Variants in CCDC73 observed in about 807,000 individuals in gnomAD.
CCDC73 encodes the protein coiled-coil domain-containing protein 73.
A neutral mutation model predicts 116.5 loss-of-function variants in CCDC73; 95 were observed. The ratio of observed to expected loss-of-function variants is 0.82; its 90% CI spans 0.69 to 0.97. CCDC73 has a LOEUF of 0.97. CCDC73 is among the 50% of genes least tolerant of loss of function. The pLI, the probability that CCDC73 is intolerant of heterozygous loss-of-function variation, is 0.00. For synonymous variants in CCDC73, 398 were observed against 401.3 expected (o/e 0.99, Z 0.10); for missense variants, 1,066 against 1,206.8 (o/e 0.88, Z 1.73).
rs564816235 is a variant in CCDC73, at chr11:32,614,473, T to A, written c.1845A>T (p.Leu615=). The change falls in exon 16 of 18, where the codon CTA becomes CTT. Residue 615 remains leucine, a synonymous_variant. Transcript: ENST00000335185. The part of the protein sequence containing the change: ...RLLPGTREHA[L]EKEITNSDQT... The stretch of plus-strand genomic sequence containing the variant: ...GGTCACTATTTGTAATTTCCTTCTC[T>A]AGAGCATGTTCTCGAGTCCCTGGAA... The A allele has an allele frequency of 6.2e-7, 1 of 1,613,394 alleles. No homozygotes were observed. Among genetic ancestry groups the A allele is most frequent in the African/African-American group, 1.3e-5 (1 of 75,038 alleles).
chr11:32,700,675 C>T, intron 5 of CCDC73, 116 bp downstream of exon 5: 2 of 512,908 alleles, frequency 3.9e-6, no homozygotes, highest in South Asian at 3.0e-5. Flanking sequence ...GTTACTAATG[C>T]TCTTTTCTCT....
chr11:32,674,450 CAAATCATGG>C (rs942591981), intron 9 of CCDC73, among the ~76,000 whole-genome samples: 12 of 152,246 alleles, frequency 7.9e-5, no homozygotes, highest in African/African-American at 2.9e-4. Flanking sequence ...TTTTTAGTTG[CAAATCATGG>C]AAAACTGAAT....
chr11:32,820,399 T>C, the CCDC73 span, among the ~76,000 whole-genome samples: 1 of 152,290 alleles, frequency 6.6e-6, no homozygotes, highest in African/African-American at 2.4e-5. Context: ...CAAGCAATCC[T>C]CATGCCTCAG....
At chr11:32,621,901 T>C (rs1855525846) in intron 14 of CCDC73, among the ~76,000 whole-genome samples, 1 of 152,110 alleles carries the variant, frequency 6.6e-6, no homozygotes, top group Admixed American at 6.6e-5. Flanking sequence ...AATGAACATA[T>C]GAAAAAGAGT....
At chr11:32,706,413 A>C (rs1268639419) in intron 3 of CCDC73, among the ~76,000 whole-genome samples, 1 of 152,228 alleles carries the variant, frequency 6.6e-6, no homozygotes, top group Non-Finnish European at 1.5e-5. Context: ...GAACACAAAT[A>C]AAATAAACTA....
At position 32,709,854 on chromosome 11, in the gene CCDC73, T is replaced by A. The variant is rs1243037237; in HGVS notation, c.208-6910A>T. On this transcript the variant is annotated intron_variant, in intron 3 of 17. Coordinates refer to ENST00000335185, the MANE Select transcript of CCDC73 (RefSeq NM_001008391.4). ...GGTCCTAGACATTTTTTGTTGATAA[T>A]TTTTTTATTACCACTTCAACCTCAC... Among the ~76,000 whole-genome samples the A allele has an allele frequency of 2.6e-5, 4 of 152,312 alleles. No homozygotes were observed. The South Asian group carries it at 6.2e-4, about 24-fold the overall frequency.
In CCDC73 at chr11:32,702,895, G is replaced by T; in HGVS notation, c.257C>A (p.Ala86Glu). The T allele has an allele frequency of 1.2e-6, 2 of 1,612,426 alleles. No homozygotes were observed. The highest frequency in any genetic ancestry group is 8.5e-7 in the Non-Finnish European group (1 of 1,178,544). Residue 86 changes from alanine to glutamate, a missense_variant, in exon 4 of 18, where the codon GCA (alanine) becomes GAA (glutamate). Ala to Glu is a moderately radical substitution (Grantham distance 107, BLOSUM62 -1). Transcript: ENST00000335185. ...TACCTGCTTTTTAAAAACTGCCATT[G>T]CTTCCTTGTGTTGCTCTGCCAATGT... ...KETLAEQHKE[A>E]MAVFKKQLQM...
chr11:32,631,605 A>AGGAAGGGAAG (rs1260792209), intron 14 of CCDC73, among the ~76,000 whole-genome samples: 1 of 126,208 alleles, frequency 7.9e-6, no homozygotes, highest in Non-Finnish European at 1.8e-5. Flanking sequence ...AAGGAAGGAA[A>AGGAAGGGAAG]GGAAGGGAAG....
At chr11:32,773,123 C>G (rs1850504704) in intron 1 of CCDC73, among the ~76,000 whole-genome samples, 1 of 152,108 alleles carries the variant, frequency 6.6e-6, no homozygotes, top group South Asian at 2.1e-4. Flanking sequence ...CATGCAACAA[C>G]ATGGATGAAC....
intron 1 of CCDC73, among the ~76,000 whole-genome samples, 176 bp from the exon 2 acceptor site, chr11:32,760,434 G>T (rs1590634277): frequency 6.6e-6 from 1 of 152,128 alleles, no homozygotes; most frequent in Non-Finnish European, 1.5e-5. Context: ...AGCAAAAATG[G>T]TATTATTCTG....
chr11:32,618,949 TTCA>T (rs1334345846), intron 14 of CCDC73, among the ~76,000 whole-genome samples: 1 of 152,232 alleles, frequency 6.6e-6, no homozygotes, highest in Non-Finnish European at 1.5e-5. Context: ...TGAACATTTT[TTCA>T]TGTTTGTTGG....
intron 9 of CCDC73, among the ~76,000 whole-genome samples, chr11:32,658,971 T>C (rs1855898315): frequency 6.6e-6 from 1 of 152,194 alleles, no homozygotes; most frequent in African/African-American, 2.4e-5. Context: ...ACAAAAAGTA[T>C]ATTTAAAATT....
intron 3 of CCDC73, among the ~76,000 whole-genome samples, chr11:32,711,832 T>C (rs898989496): frequency 6.6e-6 from 1 of 152,140 alleles, no homozygotes; most frequent in Admixed American, 6.6e-5. Flanking sequence ...TTTCTACCTA[T>C]TTGTACCTCA....
chr11:32,790,086 G>A (rs927166632), intron 1 of CCDC73, among the ~76,000 whole-genome samples: 1 of 152,180 alleles, frequency 6.6e-6, no homozygotes, highest in Non-Finnish European at 1.5e-5. Flanking sequence ...TAGGGAGATT[G>A]AAGTCTAACA....
chr11:32,693,830 T>G (rs1001685856), intron 6 of CCDC73, among the ~76,000 whole-genome samples: 1 of 152,224 alleles, frequency 6.6e-6, no homozygotes, highest in Admixed American at 6.5e-5. Context: ...ATTATCTCAA[T>G]AGATGCAGAA....
intron 14 of CCDC73, among the ~76,000 whole-genome samples, chr11:32,627,583 A>C (rs559650759): frequency 3.3e-5 from 5 of 152,378 alleles, no homozygotes; most frequent in Admixed American, 1.3e-4. Flanking sequence ...ATGTCCATCA[A>C]TGAGAGACTG....
chr11:32,758,415 C>T (rs1026599124), intron 2 of CCDC73: 3 of 492,402 alleles, frequency 6.1e-6, no homozygotes, highest in Non-Finnish European at 1.2e-5. Flanking sequence ...TGGCATGCCT[C>T]CAAGTAGATT....
At chr11:32,680,588 G>A (rs910997845) in intron 7 of CCDC73, 2 of 151,964 alleles carry the variant, frequency 1.3e-5, no homozygotes, top group East Asian at 3.9e-4. Flanking sequence ...TTTAAAATGG[G>A]AATAATGTAA....
At chr11:32,610,055 C>A (rs1855406137) in intron 17 of CCDC73, among the ~76,000 whole-genome samples, 1 of 151,784 alleles carries the variant, frequency 6.6e-6, no homozygotes, top group Non-Finnish European at 1.5e-5. Context: ...TCCCAAAGTG[C>A]TGGGATTACA....
Sources: allele counts gnomAD v4.1 joint callset (sites outside exome capture counted in the v4.1 genomes callset), GRCh38; gene constraint gnomAD v4.1.1; transcripts MANE v1.5; gene names NCBI Gene and HGNC (gene_info 2026-07-23, HGNC 2026-07-21).